The following BTBD9 variants were observed in gnomAD, a reference collection of about 807,000 sequenced individuals.
The protein encoded by BTBD9 is BTB/POZ domain-containing protein 9.
A neutral mutation model predicts 64.3 loss-of-function variants in BTBD9; 49 were observed. That is an observed-to-expected ratio of 0.76 (90% confidence interval 0.61 to 0.97). BTBD9 has a LOEUF of 0.97. Ranked by LOEUF, BTBD9 falls within the 50% of genes least tolerant of loss-of-function variation. The probability of loss-of-function intolerance (pLI) is 0.00; values close to 1 mark genes in which losing one functional copy is unlikely to be tolerated. For synonymous variants in BTBD9, 260 were observed against 274.7 expected (o/e 0.95, Z 0.53); for missense variants, 598 against 762.1 (o/e 0.78, Z 2.53).
intron 6 of BTBD9, among the ~76,000 whole-genome samples, chr6:38,382,375 A>G (rs1282188595): frequency 6.6e-6 from 1 of 152,146 alleles, no homozygotes; most frequent in Admixed American, 6.6e-5. Flanking sequence ...GATCCTTCCC[A>G]GGAGTGAGGT....
At chr6:38,410,269 C>T (rs1767361020) in intron 6 of BTBD9, among the ~76,000 whole-genome samples, 1 of 151,434 alleles carries the variant, frequency 6.6e-6, no homozygotes, top group Admixed American at 6.6e-5. Context: ...CTAGTAATCA[C>T]TTGAGACCAC....
At chr6:38,210,377 A>G (rs1762787872) in intron 9 of BTBD9, among the ~76,000 whole-genome samples, 1 of 152,196 alleles carries the variant, frequency 6.6e-6, no homozygotes, top group Non-Finnish European at 1.5e-5. Flanking sequence ...TCAAACACAT[A>G]AACAGACTCT....
Position 38,580,381 on chromosome 6 carries a change from G to T in BTBD9, c.871C>A (p.Leu291Met), listed in dbSNP as rs1425924950. 2.5e-6 allele frequency: 4 copies of T among 1,614,054 alleles called. No individual in the cohort carries two copies. Among genetic ancestry groups the T allele is most frequent in the Non-Finnish European group, 3.4e-6 (4 of 1,180,038 alleles). The change falls in exon 5 of 11, where the codon CTG (leucine) becomes ATG (methionine). Residue 291 changes from leucine (L) to methionine (M), a missense_variant. By Grantham distance (15) the Leu-to-Met change is conservative. Coordinates refer to ENST00000481247, the MANE Select transcript of BTBD9 (RefSeq NM_001099272.2). ...TCACCATCTAATAAGGCTGATTTCA[G>T]CTCCCCCTTTACAACTTGGGCTCCA... ...KYGAQVVKGE[L>M]KSALLDGDTQ...
At chr6:38,329,429 T>C (rs976741450) in intron 7 of BTBD9, among the ~76,000 whole-genome samples, 1 of 150,318 alleles carries the variant, frequency 6.7e-6, no homozygotes, top group African/African-American at 2.4e-5. Context: ...TTCAAAAGAC[T>C]CTCCCACCTA....
intron 8 of BTBD9, among the ~76,000 whole-genome samples, chr6:38,267,516 C>T (rs1270350974): frequency 6.6e-6 from 1 of 152,204 alleles, no homozygotes; most frequent in Non-Finnish European, 1.5e-5. Context: ...CTCCCTTCAG[C>T]TTTTTGGACC....
chr6:38,614,821 T>C (rs1450345535), intron 1 of BTBD9, among the ~76,000 whole-genome samples: 1 of 152,236 alleles, frequency 6.6e-6, no homozygotes, highest in Non-Finnish European at 1.5e-5. Context: ...TCTCCCGCTT[T>C]CCACTCAGAC....
intron 7 of BTBD9, among the ~76,000 whole-genome samples, chr6:38,290,655 G>A (rs868626928): frequency 2.0e-5 from 3 of 152,122 alleles, no homozygotes; most frequent in African/African-American, 4.8e-5. Flanking sequence ...AATCACAGCC[G>A]CAGTGGGAAG....
intron 6 of BTBD9, among the ~76,000 whole-genome samples, chr6:38,434,502 T>C (rs1768618316): frequency 6.6e-6 from 1 of 151,978 alleles, no homozygotes. Flanking sequence ...TTGTATTTCT[T>C]AAATGTATTT....
At chr6:38,341,333 A>G (rs1368526686) in intron 7 of BTBD9, among the ~76,000 whole-genome samples, 1 of 152,220 alleles carries the variant, frequency 6.6e-6, no homozygotes, top group African/African-American at 2.4e-5. Context: ...AGGAGGCCTT[A>G]CTTTTAGATG....
At chr6:38,489,339 T>G (rs1353339924) in intron 6 of BTBD9, among the ~76,000 whole-genome samples, 1 of 152,166 alleles carries the variant, frequency 6.6e-6, no homozygotes, top group East Asian at 1.9e-4. Context: ...TGGTGGCACA[T>G]GCCTGTAGCC....
chr6:38,445,346 T>G (rs1769226432), intron 6 of BTBD9, among the ~76,000 whole-genome samples: 1 of 152,206 alleles, frequency 6.6e-6, no homozygotes, highest in Non-Finnish European at 1.5e-5. Flanking sequence ...TTAACTATTT[T>G]TCTGTTGACT....
rs1329338801 is a variant in BTBD9 at position 38,592,460 on chromosome 6, A to C, written c.814+116T>G. On this transcript the variant is annotated intron_variant, in intron 4 of 10. Coordinates refer to ENST00000481247, the MANE Select transcript of BTBD9 (RefSeq NM_001099272.2). ...ACATTCCATAGGCTAGCTGTTTATA[A>C]ACGTACATATTTCATGTACACCTGC... 5 of 1,114,190 alleles carry C rather than the reference A, an allele frequency of 4.5e-6. No homozygotes were observed. The East Asian group carries it at 1.2e-4, about 26-fold the overall frequency. The allele number at this position is 1,114,190 out of a possible 1,614,324, so 69.0% of individuals were successfully genotyped here.
At position 38,173,547 on chromosome 6, in the gene BTBD9, T is replaced by C. The variant is rs559088738; in HGVS notation, c.*1438A>G. Reference sequence around the variant, plus strand: ...GTTTGATGCTACCCTACTATTTCCATATGGACAAATCACTCAAAATCAAGT... The same window carrying C: ...GTTTGATGCTACCCTACTATTTCCACATGGACAAATCACTCAAAATCAAGT... On this transcript the variant is annotated 3_prime_UTR_variant, in exon 11 of 11. Transcript: ENST00000481247. 1.3e-5 allele frequency: 2 copies of C among 152,352 alleles called. No individual in the cohort carries two copies. The highest frequency in any genetic ancestry group is 4.8e-5 in the African/African-American group (2 of 41,570). 9.4% of individuals were successfully genotyped at this position (152,352 alleles called of 1,614,324 possible).
At chr6:38,417,553 C>G (rs1767720465) in intron 6 of BTBD9, among the ~76,000 whole-genome samples, 1 of 152,140 alleles carries the variant, frequency 6.6e-6, no homozygotes, top group Admixed American at 6.5e-5. Context: ...GCTAGTGGAT[C>G]ACTTGAGTCT....
intron 6 of BTBD9, among the ~76,000 whole-genome samples, chr6:38,561,635 T>TC (rs1335178193): frequency 1.3e-5 from 2 of 152,110 alleles, no homozygotes; most frequent in Non-Finnish European, 2.9e-5. Flanking sequence ...TGAAATCATG[T>TC]CCCTTGCAGC....
intron 8 of BTBD9, among the ~76,000 whole-genome samples, chr6:38,273,413 T>C (rs1228539609): frequency 1.3e-5 from 2 of 152,166 alleles, no homozygotes; most frequent in African/African-American, 4.8e-5. Context: ...CAGCTGCACA[T>C]GTCAGACAAG....
At chr6:38,475,766 C>T (rs1187079919) in intron 6 of BTBD9, among the ~76,000 whole-genome samples, 1 of 152,172 alleles carries the variant, frequency 6.6e-6, no homozygotes, top group African/African-American at 2.4e-5. Flanking sequence ...TGCTGCCATA[C>T]TTCCCAGTTT....
At chr6:38,383,108 T>C (rs1225606184) in intron 6 of BTBD9, among the ~76,000 whole-genome samples, 1 of 152,102 alleles carries the variant, frequency 6.6e-6, no homozygotes, top group African/African-American at 2.4e-5. Context: ...TAAACACAAA[T>C]GCAAAATCCT....
At position 38,556,506 on chromosome 6, in the gene BTBD9, A is replaced by AGTGT. The variant is rs140373285; in HGVS notation, c.1154+21090_1154+21093dup. 3.4e-3 allele frequency among the ~76,000 whole-genome samples: 463 copies of AGTGT among 137,794 alleles called. 2 individuals carry two copies. The highest frequency in any genetic ancestry group is 7.3e-3 in the Middle Eastern group (2 of 274). 90.4% of individuals were successfully genotyped at this position (137,794 alleles called of 152,430 possible). ...TATGGATATTATCTTTGTCCTATAA[A>AGTGT]GTGTGTGTGTGTGTGTGTGTGTGTG... On this transcript the variant is annotated intron_variant, in intron 6 of 10. Transcript: ENST00000481247.
Sources: allele counts gnomAD v4.1 joint callset (sites outside exome capture counted in the v4.1 genomes callset), GRCh38; gene constraint gnomAD v4.1.1; transcripts MANE v1.5; gene names NCBI Gene and HGNC (gene_info 2026-07-23, HGNC 2026-07-21).